NCKAP5: variants seen among roughly 807,000 people sequenced by gnomAD.
The protein encoded by NCKAP5 is nck-associated protein 5.
Under a neutral mutation model 167.0 loss-of-function variants are expected in NCKAP5, and 92 were observed. That is an observed-to-expected ratio of 0.55 (90% confidence interval 0.47 to 0.66). The LOEUF is 0.66. Ranked by LOEUF, NCKAP5 falls within the 30% of genes least tolerant of loss-of-function variation. NCKAP5 has a pLI of 0.00. For missense variants in NCKAP5, 2,378 were observed against 2,315.0 expected (o/e 1.03, Z -0.56); for synonymous variants, 891 against 877.4 (o/e 1.02, Z -0.27).
chr2:133,515,853 C>A (rs9917399), intron 3 of NCKAP5, among the ~76,000 whole-genome samples: 17,762 of 152,270 alleles, frequency 0.12, 1,921 homozygotes, highest in African/African-American at 0.28. Context: ...TGGGCTCTGC[C>A]TTCTTCTATT....
chr2:133,488,617 G>C (rs1013265798), intron 3 of NCKAP5, among the ~76,000 whole-genome samples: 3 of 152,070 alleles, frequency 2.0e-5, no homozygotes, highest in African/African-American at 7.2e-5. Context: ...AGGACTGCTC[G>C]AGCCCAGGAG....
intron 3 of NCKAP5, among the ~76,000 whole-genome samples, chr2:133,305,770 A>G (rs1680734836): frequency 6.6e-6 from 1 of 152,194 alleles, no homozygotes; most frequent in South Asian, 2.1e-4. Context: ...CAAATCTTAA[A>G]CCACTTAAAA....
At position 133,085,493 on chromosome 2, in the gene NCKAP5, T is replaced by C. The variant is rs545725057; in HGVS notation, c.341+44485A>G. ...AAATGTGCAAGATTTTTAACAGTGC[T>C]TATTTCTGGGTAATGGGATTGACTG... On this transcript the variant is annotated intron_variant, in intron 6 of 19. Coordinates refer to ENST00000409261, the MANE Select transcript of NCKAP5 (RefSeq NM_207363.3). Among the ~76,000 whole-genome samples, 25 of 152,282 alleles carry C rather than the reference T, an allele frequency of 1.6e-4. No homozygotes were observed. In the South Asian group the frequency reaches 4.8e-3, roughly 29 times the overall value.
chr2:133,634,437 C>T, the NCKAP5 span, among the ~76,000 whole-genome samples: 11 of 152,306 alleles, frequency 7.2e-5, no homozygotes, highest in East Asian at 5.8e-4. Context: ...CAGAAACATA[C>T]TCTACGCTAA....
At chr2:133,062,672 C>T (rs1425723096) in intron 6 of NCKAP5, among the ~76,000 whole-genome samples, 2 of 152,100 alleles carry the variant, frequency 1.3e-5, no homozygotes, top group African/African-American at 4.8e-5. Context: ...AGTTTAATAG[C>T]AGGGTTATAG....
At chr2:132,943,315 C>T (rs966178915) in intron 8 of NCKAP5, among the ~76,000 whole-genome samples, 3 of 152,180 alleles carry the variant, frequency 2.0e-5, no homozygotes, top group Non-Finnish European at 2.9e-5. Flanking sequence ...GTAAAATATC[C>T]TCTTTGATTG....
chr2:133,124,164 C>A (rs1269761301), intron 6 of NCKAP5, among the ~76,000 whole-genome samples: 1 of 152,154 alleles, frequency 6.6e-6, no homozygotes, highest in African/African-American at 2.4e-5. Flanking sequence ...GGGAGAAGGT[C>A]AGAACAGGTG....
At chr2:133,399,936 A>G (rs761251517) in intron 3 of NCKAP5, among the ~76,000 whole-genome samples, 15 of 152,194 alleles carry the variant, frequency 9.9e-5, no homozygotes, top group Non-Finnish European at 2.1e-4. Flanking sequence ...GGCTCCTATT[A>G]AATTGCTACA....
intron 3 of NCKAP5, among the ~76,000 whole-genome samples, chr2:133,306,370 A>C (rs1680778096): frequency 6.6e-6 from 1 of 152,256 alleles, no homozygotes; most frequent in Non-Finnish European, 1.5e-5. Context: ...CAAGTACTGT[A>C]GGACAAGAGA....
rs747305516 is a variant in NCKAP5 at position 132,782,861 on chromosome 2, G to A, written c.3950C>T (p.Ser1317Phe). 1 of 1,613,994 alleles carries A rather than the reference G, an allele frequency of 6.2e-7. No individual in the cohort carries two copies. Among genetic ancestry groups the A allele is most frequent in the Non-Finnish European group, 8.5e-7 (1 of 1,179,888 alleles). ...ERGNSLTRQN[S>F]STESSPNKAP... ...CTTGTTGGGAGAGCTTTCCGTGGAA[G>A]AGTTCTGCCGGGTAAGAGAATTGCC... is the stretch of plus-strand genomic sequence containing the variant. Residue 1317 changes from serine (S) to phenylalanine (F), a missense_variant, in exon 14 of 20, where the codon TCT (serine) becomes TTT (phenylalanine). Physicochemically the swap from Ser to Phe is radical, Grantham distance 155. Coordinates refer to ENST00000409261, the MANE Select transcript of NCKAP5 (RefSeq NM_207363.3).
intron 4 of NCKAP5, among the ~76,000 whole-genome samples, chr2:133,215,737 C>T (rs1369942815): frequency 1.3e-5 from 2 of 151,978 alleles, no homozygotes; most frequent in Admixed American, 1.3e-4. Context: ...ACTTTATTTC[C>T]TATTTATATA....
chr2:133,178,894 G>C (rs999834600), intron 5 of NCKAP5, among the ~76,000 whole-genome samples: 1 of 151,012 alleles, frequency 6.6e-6, no homozygotes, highest in Non-Finnish European at 1.5e-5. Context: ...GCCTAAGCAT[G>C]GTAGCTCATT....
intron 6 of NCKAP5, among the ~76,000 whole-genome samples, chr2:132,999,672 G>A (rs1346501015): frequency 6.6e-6 from 1 of 152,154 alleles, no homozygotes; most frequent in Non-Finnish European, 1.5e-5. Context: ...GGAAAATATG[G>A]CTCCAAGCTA....
At chr2:133,088,077 G>T (rs141615739) in intron 6 of NCKAP5, among the ~76,000 whole-genome samples, 1 of 152,038 alleles carries the variant, frequency 6.6e-6, no homozygotes, top group Non-Finnish European at 1.5e-5. Flanking sequence ...ATTAAAAGGC[G>T]GCTTCTATCA....
intron 6 of NCKAP5, among the ~76,000 whole-genome samples, chr2:133,099,718 C>T (rs2081444902): frequency 6.6e-6 from 1 of 152,186 alleles, no homozygotes; most frequent in Non-Finnish European, 1.5e-5. Context: ...TCCCACACTC[C>T]CCTATTGAAA....
intron 11 of NCKAP5, among the ~76,000 whole-genome samples, chr2:132,844,872 C>A (rs930957170): frequency 3.3e-5 from 5 of 152,130 alleles, no homozygotes; most frequent in African/African-American, 1.2e-4. Context: ...TTATTTATAA[C>A]CTTGCCAGAA....
chr2:132,728,626 G>A (rs939453826), intron 18 of NCKAP5, among the ~76,000 whole-genome samples, 190 bp downstream of exon 18: 7 of 152,150 alleles, frequency 4.6e-5, no homozygotes, highest in Admixed American at 1.3e-4. Flanking sequence ...GAATAAAAGT[G>A]TCCCAAGAAC....
At chr2:133,590,910 T>C in the NCKAP5 span, among the ~76,000 whole-genome samples, 243 of 106,272 alleles carry the variant, frequency 2.3e-3, no homozygotes, top group Non-Finnish European at 3.4e-3. Context: ...TGTGTGTTTG[T>C]GTGTGCATGT....
chr2:133,042,145 T>G (rs2079238099), intron 6 of NCKAP5, among the ~76,000 whole-genome samples: 1 of 152,194 alleles, frequency 6.6e-6, no homozygotes, highest in Non-Finnish European at 1.5e-5. Context: ...CAAGTTTTTA[T>G]TACAGAAGAA....
Sources: allele counts gnomAD v4.1 joint callset (sites outside exome capture counted in the v4.1 genomes callset), GRCh38; gene constraint gnomAD v4.1.1; transcripts MANE v1.5; gene names NCBI Gene and HGNC (gene_info 2026-07-23, HGNC 2026-07-21).